Variants in RASSF1 observed in about 807,000 individuals in gnomAD.
RASSF1 encodes the protein Ras association domain family member 1.
Under a neutral mutation model 34.3 loss-of-function variants are expected in RASSF1, and 33 were observed. That is an observed-to-expected ratio of 0.96 (90% CI 0.73 to 1.29). RASSF1 has a LOEUF of 1.29. Ranked by LOEUF, RASSF1 falls within the 50% of genes most tolerant of loss-of-function variation. RASSF1 has a pLI of 0.00. For synonymous variants in RASSF1, 191 were observed against 195.0 expected (o/e 0.98, Z 0.17); for missense variants, 445 against 471.8 (o/e 0.94, Z 0.53).
At chr3:50,337,720 G>A in intron 2 of RASSF1, 185 bp downstream of exon 2, 1 of 838,434 alleles carries the variant, frequency 1.2e-6, no homozygotes, top group Non-Finnish European at 1.8e-6. Context: ...AGCGGGTGGA[G>A]TACTTGCGGA....
At chr3:50,337,386 G>C in intron 2 of RASSF1, 1 of 1,594,822 alleles carries the variant, frequency 6.3e-7, no homozygotes, top group Non-Finnish European at 8.5e-7. Flanking sequence ...GGTCGCGTGC[G>C]TGCGTGTACG....
At chr3:50,337,202 A>C (rs752496755) in intron 2 of RASSF1, 5 of 1,612,580 alleles carry the variant, frequency 3.1e-6, no homozygotes, top group Non-Finnish European at 2.5e-6. Context: ...CGAGCTAGCG[A>C]GGTTCGCGCG....
In RASSF1 at chr3:50,330,606, G is replaced by A; in HGVS notation, c.998C>T (p.Ala333Val). The A allele has an allele frequency of 1.2e-6, 2 of 1,614,160 alleles. No individual in the cohort carries two copies. The highest frequency in any genetic ancestry group is 8.5e-7 in the Non-Finnish European group (1 of 1,180,014). The part of the protein sequence containing the change: ...YSYCRQKIQE[A>V]LHACPLG Reference sequence around the variant, plus strand: ...TCACCCAAGGGGGCAGGCGTGCAGGGCCTCTTGGATCTTCTGGCGGCAATA... The same window carrying A: ...TCACCCAAGGGGGCAGGCGTGCAGGACCTCTTGGATCTTCTGGCGGCAATA... The change falls in exon 6 of 6, where the codon GCC becomes GTC. Residue 333 changes from alanine to valine, a missense_variant. Coordinates refer to ENST00000359365, the MANE Select transcript of RASSF1 (RefSeq NM_007182.5). This position sits in a 1 kb window ranked among gnomAD's most constrained non-coding sequence, Gnocchi z 4.5.
In RASSF1 at chr3:50,338,028, C is replaced by A. The variant is rs1333438886; in HGVS notation, c.251-17G>T. The A allele has an allele frequency of 6.4e-7, 1 of 1,565,332 alleles. No individual in the cohort carries two copies. Among genetic ancestry groups the A allele is most frequent in the Admixed American group, 1.9e-5 (1 of 52,670 alleles). On this transcript the variant is annotated splice_polypyrimidine_tract_variant and intron_variant, in intron 1 of 5. Coordinates refer to ENST00000359365, the MANE Select transcript of RASSF1 (RefSeq NM_007182.5). ...ACTTGCAATCTGCAGAGAGGCCTGG[C>A]GGTGAGGCGGAGGAGCTCCAGGTCG...
Position 50,330,661 on chromosome 3 carries a change from G to A in RASSF1, c.943C>T (p.His315Tyr), listed in dbSNP as rs782174686. ...TACTTCTGCAGGATCTGGCGGAGGT[G>A]CTCCTCCTCCTCCCGCTGCAGGATA... ...LRILQREEEEHLRQILQKYSY... is the reference protein window; with the variant it reads ...LRILQREEEEYLRQILQKYSY... The change falls in exon 6 of 6, where the codon CAC becomes TAC. Residue 315 changes from histidine to tyrosine, a missense_variant. Transcript: ENST00000359365. This position sits in a 1 kb window ranked among gnomAD's most constrained non-coding sequence, Gnocchi z 4.5. The A allele has an allele frequency of 1.9e-6, 3 of 1,613,968 alleles. No individual in the cohort carries two copies. The African/African-American group carries it at 4.0e-5, about 22-fold the overall frequency.
chr3:50,339,849 T>C (rs1044639917), intron 1 of RASSF1, among the ~76,000 whole-genome samples: 2 of 152,112 alleles, frequency 1.3e-5, no homozygotes, highest in African/African-American at 4.8e-5. Flanking sequence ...TACAATAATT[T>C]GGGGAGTTTT....
chr3:50,334,001 C>A (rs2236947), intron 2 of RASSF1, among the ~76,000 whole-genome samples: 59,130 of 152,014 alleles, frequency 0.39, 12,443 homozygotes, highest in Non-Finnish European at 0.48. Context: ...CTGACCAATA[C>A]TTTGTCCCAG....
intron 1 of RASSF1, 180 bp from the exon 2 acceptor site, chr3:50,338,191 A>G: frequency 7.1e-7 from 1 of 1,413,512 alleles, no homozygotes. Flanking sequence ...GCGTCTGGAA[A>G]CCGGCCGGAA....
chr3:50,332,717 G>A (rs1411447116), intron 2 of RASSF1, among the ~76,000 whole-genome samples: 5 of 152,064 alleles, frequency 3.3e-5, no homozygotes, highest in South Asian at 4.2e-4. Context: ...GTTTGAGCCC[G>A]GGAGATTGCA....
At position 50,340,821 on chromosome 3, in the gene RASSF1, G is replaced by T. The variant is rs1483685795; in HGVS notation, c.-16C>A. 1.4e-6 allele frequency: 2 copies of T among 1,455,986 alleles called. No homozygotes were observed. Among genetic ancestry groups the T allele is most frequent in the East Asian group, 5.7e-5 (2 of 35,322 alleles). 90.2% of individuals were successfully genotyped at this position (1,455,986 alleles called of 1,614,324 possible). ...CCCCCGACATGGCCCGGTTGGGCCC[G>T]TGCTTCGCTGGCTTTGGGCGCTAGC... On this transcript the variant is annotated 5_prime_UTR_variant, in exon 1 of 6. Coordinates refer to ENST00000359365, the MANE Select transcript of RASSF1 (RefSeq NM_007182.5).
rs969861599 is a variant in RASSF1 at position 50,340,607 on chromosome 3, G to A, written c.199C>T (p.Leu67Phe). The A allele has an allele frequency of 6.5e-7, 1 of 1,544,142 alleles. No individual in the cohort carries two copies. The highest frequency in any genetic ancestry group is 2.6e-5 in the East Asian group (1 of 39,002). Reference sequence around the variant, plus strand: ...ACGCCCCAGATGAAGTCGCCACAGAGGTCGCACCACGTGTGCGTGGCGGGC... The same window carrying A: ...ACGCCCCAGATGAAGTCGCCACAGAAGTCGCACCACGTGTGCGTGGCGGGC... ...AGPATHTWCD[L>F]CGDFIWGVVR... Residue 67 changes from leucine to phenylalanine, a missense_variant, in exon 1 of 6, where the codon CTC (leucine) becomes TTC (phenylalanine). By Grantham distance (22) the Leu-to-Phe change is conservative. Transcript: ENST00000359365.
At chr3:50,337,378 T>C (rs1217801250) in intron 2 of RASSF1, 4 of 1,598,120 alleles carry the variant, frequency 2.5e-6, no homozygotes, top group Non-Finnish European at 2.6e-6. Context: ...ACCGCCCCGG[T>C]CGCGTGCGTG....
chr3:50,336,929 T>A, intron 2 of RASSF1: 1 of 569,482 alleles, frequency 1.8e-6, no homozygotes, highest in Non-Finnish European at 3.1e-6. Flanking sequence ...GCCATACAGC[T>A]GCTTTTTCCG....
intron 1 of RASSF1, 139 bp from the exon 2 acceptor site, chr3:50,338,150 T>G (rs760933983): frequency 6.1e-5 from 89 of 1,447,416 alleles, no homozygotes; most frequent in Non-Finnish European, 7.1e-5. Context: ...TACCTCACAC[T>G]GCTACGCGGA....
chr3:50,337,697 C>A (rs1039423009), intron 2 of RASSF1: 1 of 841,124 alleles, frequency 1.2e-6, no homozygotes. Flanking sequence ...AGCCTGGGCC[C>A]GGGTCCGCTT....
chr3:50,339,970 G>T (rs891549815), intron 1 of RASSF1, among the ~76,000 whole-genome samples: 1 of 152,236 alleles, frequency 6.6e-6, no homozygotes, highest in Admixed American at 6.5e-5. Context: ...ATTCCAGCTG[G>T]TGTCTACCCA....
chr3:50,336,513 T>C (rs1703141756), intron 2 of RASSF1: 1 of 152,278 alleles, frequency 6.6e-6, no homozygotes, highest in South Asian at 2.1e-4. Context: ...CATTTTATAA[T>C]CTAGCTTTCC....
rs1314335916 is a variant in RASSF1 at position 50,330,400 on chromosome 3, C to A, written c.*181G>T. ...AGGGCAGAGGGGTGCAGAGCCATAC[C>A]TGGCTACACCCACAGGTGGACACAG... On this transcript the variant is annotated 3_prime_UTR_variant, in exon 6 of 6. Coordinates refer to ENST00000359365, the MANE Select transcript of RASSF1 (RefSeq NM_007182.5). This position sits in a 1 kb window ranked among gnomAD's most constrained non-coding sequence, Gnocchi z 4.5. The A allele has an allele frequency of 8.3e-6, 7 of 840,126 alleles. No individual in the cohort carries two copies. The highest frequency in any genetic ancestry group is 1.3e-5 in the Non-Finnish European group (7 of 553,020). 52.0% of individuals were successfully genotyped at this position (840,126 alleles called of 1,614,324 possible). A position where few individuals can be genotyped will look rare whatever the true frequency, so the allele number is the denominator to read the frequency against.
At chr3:50,337,007 G>C in intron 2 of RASSF1, 1 of 977,668 alleles carries the variant, frequency 1.0e-6, no homozygotes, top group Non-Finnish European at 1.4e-6. Flanking sequence ...TGGAATCGGG[G>C]TCTTACGCAC....
Sources: allele counts gnomAD v4.1 joint callset (sites outside exome capture counted in the v4.1 genomes callset), GRCh38; gene constraint gnomAD v4.1.1; non-coding constraint Gnocchi (gnomAD v3.1); transcripts MANE v1.5; gene names NCBI Gene and HGNC (gene_info 2026-07-23, HGNC 2026-07-21).